Variants in MACROD2 observed in about 807,000 individuals in gnomAD.
MACROD2 encodes the protein mono-ADP ribosylhydrolase 2, also known as ADP-ribose glycohydrolase MACROD2.
Under a neutral mutation model 70.4 loss-of-function variants are expected in MACROD2, and 36 were observed. That is an observed-to-expected ratio of 0.51 (90% confidence interval 0.39 to 0.68). The LOEUF (loss-of-function observed/expected upper bound fraction) is 0.68, where lower values mean the gene tolerates loss of function less well. Ranked by LOEUF, MACROD2 falls within the 30% of genes least tolerant of loss-of-function variation. The pLI is 0.00. For synonymous variants in MACROD2, 172 were observed against 178.8 expected, an observed-to-expected ratio of 0.96 and a Z score of 0.30; for missense variants, 496 against 538.4, an observed-to-expected ratio of 0.92 and a Z score of 0.78.
At chr20:14,515,473 A>ACGCGCGCGCGCGCGCGCGCG (rs1406815284) in intron 4 of MACROD2, among the ~76,000 whole-genome samples, 2 of 67,548 alleles carry the variant, frequency 3.0e-5, no homozygotes, top group African/African-American at 1.4e-4. Context: ...ACGCACACAC[A>ACGCGCGCGCGCGCGCGCGCG]CACACACACA....
chr20:15,585,038 G>A (rs1403210381), intron 8 of MACROD2, among the ~76,000 whole-genome samples: 2 of 152,106 alleles, frequency 1.3e-5, no homozygotes, highest in East Asian at 3.9e-4. Context: ...CCAGTCTAGG[G>A]GACTACACTG....
intron 5 of MACROD2, among the ~76,000 whole-genome samples, chr20:14,794,356 T>C (rs1477451369): frequency 6.6e-6 from 1 of 152,156 alleles, no homozygotes; most frequent in Non-Finnish European, 1.5e-5. Flanking sequence ...TTAAAATTCT[T>C]AAAAGACAAA....
At chr20:15,819,505 CTA>C (rs1012345720) in intron 8 of MACROD2, among the ~76,000 whole-genome samples, 7 of 142,126 alleles carry the variant, frequency 4.9e-5, no homozygotes, top group Non-Finnish European at 9.1e-5. Context: ...AAATATATAT[CTA>C]TATCGATATA....
chr20:16,047,723 T>G (rs2067402833), intron 17 of MACROD2, among the ~76,000 whole-genome samples: 1 of 152,184 alleles, frequency 6.6e-6, no homozygotes, highest in African/African-American at 2.4e-5. Context: ...CCAGGCCAGA[T>G]GGTAAAATCA....
At chr20:15,371,757 T>C (rs564567709) in intron 6 of MACROD2, among the ~76,000 whole-genome samples, 6 of 152,310 alleles carry the variant, frequency 3.9e-5, no homozygotes, top group Admixed American at 1.3e-4. Context: ...GCACCTAGAA[T>C]GGATTTATTG....
intron 3 of MACROD2, among the ~76,000 whole-genome samples, chr20:14,211,899 G>T (rs1318925240): frequency 6.6e-6 from 1 of 151,952 alleles, no homozygotes; most frequent in African/African-American, 2.4e-5. Flanking sequence ...TATCCTTTGT[G>T]GTTTCTCTAC....
chr20:15,881,169 ACATTATAAT>A, intron 9 of MACROD2, among the ~76,000 whole-genome samples: 1 of 152,098 alleles, frequency 6.6e-6, no homozygotes, highest in African/African-American at 2.4e-5. Context: ...TATAAAAATG[ACATTATAAT>A]GTAATCACTC....
At chr20:14,598,662 TG>T (rs1215182905) in intron 4 of MACROD2, among the ~76,000 whole-genome samples, 1 of 152,180 alleles carries the variant, frequency 6.6e-6, no homozygotes, top group African/African-American at 2.4e-5. Context: ...ACTGTGAAAA[TG>T]TAAAATTTAT....
At chr20:15,907,619 A>G (rs2065167480) in intron 10 of MACROD2, among the ~76,000 whole-genome samples, 1 of 152,196 alleles carries the variant, frequency 6.6e-6, no homozygotes, top group Admixed American at 6.5e-5. Flanking sequence ...TGTAAGTGTT[A>G]AAATACACAT....
chr20:15,037,503 G>C (rs1221324671), intron 5 of MACROD2, among the ~76,000 whole-genome samples: 1 of 152,156 alleles, frequency 6.6e-6, no homozygotes, highest in Non-Finnish European at 1.5e-5. Flanking sequence ...AACTCTTTAG[G>C]ATGATGCTTC....
intron 10 of MACROD2, among the ~76,000 whole-genome samples, chr20:15,924,760 C>A (rs1454044285): frequency 1.3e-5 from 2 of 151,896 alleles, no homozygotes; most frequent in Non-Finnish European, 2.9e-5. Context: ...TAAAGAACAT[C>A]TTTATATACT....
rs1363583601 is a variant in MACROD2 at position 14,340,027 on chromosome 20, G to C, written c.272-153452G>C. Reference sequence around the variant, plus strand: ...TTTGAAATAGTATGTACAATCTCTGGAAACATGAGGTTATCATGAGTTACT... The same window carrying C: ...TTTGAAATAGTATGTACAATCTCTGCAAACATGAGGTTATCATGAGTTACT... On this transcript the variant is annotated intron_variant, in intron 3 of 17. Coordinates refer to ENST00000684519, the MANE Select transcript of MACROD2 (RefSeq NM_001351661.2). Among the ~76,000 whole-genome samples the C allele has an allele frequency of 3.3e-5, 5 of 152,126 alleles. No individual in the cohort carries two copies. The East Asian group carries it at 9.6e-4, about 29-fold the overall frequency.
chr20:16,035,135 ATT>A (rs2067211943), intron 15 of MACROD2, among the ~76,000 whole-genome samples: 1 of 3,482 alleles, frequency 2.9e-4, no homozygotes, highest in Non-Finnish European at 3.6e-3. Flanking sequence ...AATATTATAT[ATT>A]ATATATTATA....
intron 5 of MACROD2, among the ~76,000 whole-genome samples, chr20:14,862,224 T>TATATATTTATATATTAAC (rs2073347396): frequency 2.0e-5 from 1 of 50,934 alleles, no homozygotes; most frequent in Non-Finnish European, 3.2e-5. Flanking sequence ...TATATATAAA[T>TATATATTTATATATTAAC]ATATATAAAT....
At chr20:14,767,228 AT>A (rs905748968) in intron 5 of MACROD2, among the ~76,000 whole-genome samples, 8 of 152,228 alleles carry the variant, frequency 5.3e-5, no homozygotes, top group East Asian at 1.9e-4. Context: ...TAAACACTTC[AT>A]TTTTTTAATA....
In MACROD2 at chr20:15,643,263, G is replaced by A. The variant is rs557818808; in HGVS notation, c.645+143416G>A. ...ATGCTGTAGCCTGGAAGGCTTATTTGGATACCATACTAATCATCTTCCCAC... is the reference window on the plus strand; with the variant it reads ...ATGCTGTAGCCTGGAAGGCTTATTTAGATACCATACTAATCATCTTCCCAC... On this transcript the variant is annotated intron_variant, in intron 8 of 17. Transcript: ENST00000684519. 6.6e-5 allele frequency among the ~76,000 whole-genome samples: 10 copies of A among 152,212 alleles called. No individual in the cohort carries two copies. The South Asian group carries it at 1.9e-3, about 28-fold the overall frequency.
chr20:13,995,561 CG>C lies in MACROD2; in HGVS notation c.-200del, dbSNP rs999391212. 6.1e-6 allele frequency: 4 copies of C among 652,774 alleles called. No individual in the cohort carries two copies. Among genetic ancestry groups the C allele is most frequent in the African/African-American group, 5.4e-5 (3 of 55,756 alleles). 40.4% of individuals were successfully genotyped at this position (652,774 alleles called of 1,614,324 possible). On this transcript the variant is annotated 5_prime_UTR_variant, in exon 1 of 18. Transcript: ENST00000684519. The surrounding 1 kb of genome is among the most constrained non-coding windows in gnomAD (Gnocchi z 4.3). ...TGTGGCGGCGTCCGCGGGGCTGAGG[CG>C]GGTGGGAGCCGGAGCCGAGCGCGGG...
intron 3 of MACROD2, among the ~76,000 whole-genome samples, chr20:14,339,374 G>A (rs1405330985): frequency 6.6e-6 from 1 of 152,094 alleles, no homozygotes; most frequent in Non-Finnish European, 1.5e-5. Context: ...GGGAGGAAAG[G>A]GAGGTGGATA....
At position 15,768,138 on chromosome 20, in the gene MACROD2, C is replaced by CTGTGTG. The variant is rs557053436; in HGVS notation, c.646-94591_646-94586dup. On this transcript the variant is annotated intron_variant, in intron 8 of 17. Transcript: ENST00000684519. ...TGTGTGTGTGTTTGTGTGTATGTGT[C>CTGTGTG]TGTGTGTGTGTGTGTGTGTGTAGTC... Among the ~76,000 whole-genome samples, 433 of 148,640 alleles carry CTGTGTG rather than the reference C, an allele frequency of 2.9e-3. 2 individuals carry two copies. The highest frequency in any genetic ancestry group is 1.0e-2 in the African/African-American group (407 of 40,880).
Sources: gnomAD v4.1 joint callset for allele counts (sites outside exome capture counted in the v4.1 genomes callset) on GRCh38, gnomAD v4.1.1 for gene constraint, Gnocchi (gnomAD v3.1) non-coding constraint, MANE v1.5 for transcripts, NCBI Gene and HGNC (gene_info 2026-07-23, HGNC 2026-07-21) for gene names.